ETV6: variants seen among roughly 807,000 people sequenced by gnomAD.
ETV6 encodes the protein ETS variant transcription factor 6, also known as transcription factor ETV6.
A neutral mutation model predicts 51.1 loss-of-function variants in ETV6; 16 were observed. The ratio of observed to expected loss-of-function variants is 0.31; its 90% CI spans 0.21 to 0.48. The LOEUF (loss-of-function observed/expected upper bound fraction) is 0.48, where lower values mean the gene tolerates loss of function less well. ETV6 is among the 20% of genes least tolerant of loss of function. The pLI is 0.99. For missense variants in ETV6, 458 were observed against 594.8 expected (o/e 0.77, Z 2.39); for synonymous variants, 240 against 224.1 (o/e 1.07, Z -0.64).
At chr12:11,800,569 T>A (rs1945732543) in intron 2 of ETV6, among the ~76,000 whole-genome samples, 1 of 152,130 alleles carries the variant, frequency 6.6e-6, no homozygotes, top group Non-Finnish European at 1.5e-5. Flanking sequence ...CCCGCATCCC[T>A]TCTTTTACTC....
At chr12:11,720,203 T>G (rs1865356723) in intron 1 of ETV6, among the ~76,000 whole-genome samples, 1 of 152,210 alleles carries the variant, frequency 6.6e-6, no homozygotes. Context: ...AGCATTAATC[T>G]TTAAGAGTCA....
intron 2 of ETV6, among the ~76,000 whole-genome samples, chr12:11,837,756 T>G (rs1472260152): frequency 6.6e-6 from 1 of 152,254 alleles, no homozygotes; most frequent in African/African-American, 2.4e-5. Context: ...TTTGAGCTAT[T>G]GATTCACACC....
At position 11,892,439 on chromosome 12, in the gene ETV6, G is replaced by A; in HGVS notation, c.*1393G>A. On this transcript the variant is annotated 3_prime_UTR_variant, in exon 8 of 8. Coordinates refer to ENST00000396373, the MANE Select transcript of ETV6 (RefSeq NM_001987.5). ...GTGGCTCTTTTTCACCTCAAAATAAGATCGATGGTATCTTGTAAAATGAGG... is the reference window on the plus strand; with the variant it reads ...GTGGCTCTTTTTCACCTCAAAATAAAATCGATGGTATCTTGTAAAATGAGG... The A allele has an allele frequency of 4.3e-6, 1 of 232,146 alleles. No homozygotes were observed. Among genetic ancestry groups the A allele is most frequent in the South Asian group, 1.8e-4 (1 of 5,494 alleles). 14.4% of individuals were successfully genotyped at this position (232,146 alleles called of 1,614,324 possible).
intron 1 of ETV6, among the ~76,000 whole-genome samples, chr12:11,723,792 ACC>A (rs1865438197): frequency 6.6e-6 from 1 of 152,132 alleles, no homozygotes; most frequent in South Asian, 2.1e-4. Context: ...AGGTGGCATC[ACC>A]AACCATTGAG....
At chr12:11,862,489 G>A (rs1181035895) in intron 4 of ETV6, among the ~76,000 whole-genome samples, 3 of 152,180 alleles carry the variant, frequency 2.0e-5, no homozygotes, top group South Asian at 2.1e-4. Flanking sequence ...CAAGGTCAAC[G>A]TGTGCCAGAG....
At chr12:11,852,500 G>C (rs17818264) in intron 3 of ETV6, among the ~76,000 whole-genome samples, 2,539 of 152,254 alleles carry the variant, frequency 0.017, 27 homozygotes, top group East Asian at 0.064. Flanking sequence ...ATTGAGATTG[G>C]TTAAAAAGGC....
chr12:11,839,225 C>T lies in ETV6; in HGVS notation c.249C>T (p.Asp83=). ...AENEFSLRPI[D]SNTFEMNGKA... ...ATGAGTTTTCTTTAAGGCCAATTGA[C>T]AGCAACACGTTTGAAATGAATGGCA... Residue 83 remains aspartate (D), a synonymous_variant, in exon 3 of 8, where the codon GAC becomes GAT. Transcript: ENST00000396373. 6.2e-7 allele frequency: 1 copy of T among 1,614,216 alleles called. No homozygotes were observed. The highest frequency in any genetic ancestry group is 8.5e-7 in the Non-Finnish European group (1 of 1,180,026).
At chr12:11,842,363 T>G (rs1276762025) in intron 3 of ETV6, among the ~76,000 whole-genome samples, 49 of 151,888 alleles carry the variant, frequency 3.2e-4, no homozygotes, top group Non-Finnish European at 1.0e-4. Context: ...GTTTCTCCTT[T>G]ATCTTAGAGC....
chr12:11,877,637 A>G (rs1438573886), intron 5 of ETV6, among the ~76,000 whole-genome samples: 1 of 152,138 alleles, frequency 6.6e-6, no homozygotes, highest in Non-Finnish European at 1.5e-5. Context: ...TCTGTAGCCC[A>G]GTACCCTCAA....
intron 2 of ETV6, among the ~76,000 whole-genome samples, chr12:11,807,270 A>G (rs890694964): frequency 6.6e-6 from 1 of 152,250 alleles, no homozygotes; most frequent in African/African-American, 2.4e-5. Context: ...AAGAATTTCA[A>G]AGAGAATAAA....
chr12:11,738,680 C>A (rs1463518564), intron 1 of ETV6, among the ~76,000 whole-genome samples: 4 of 152,130 alleles, frequency 2.6e-5, no homozygotes, highest in Non-Finnish European at 4.4e-5. Flanking sequence ...ACCCCAGGCA[C>A]AGACATGCTC....
At chr12:11,858,702 CT>C (rs1165690595) in intron 4 of ETV6, among the ~76,000 whole-genome samples, 7 of 152,194 alleles carry the variant, frequency 4.6e-5, no homozygotes, top group African/African-American at 1.4e-4. Flanking sequence ...TTCTTAATCA[CT>C]TTAATTTGCA....
At chr12:11,691,012 C>T (rs1864750264) in intron 1 of ETV6, among the ~76,000 whole-genome samples, 1 of 152,148 alleles carries the variant, frequency 6.6e-6, no homozygotes, top group South Asian at 2.1e-4. Context: ...GAATTTGATT[C>T]TTTCCGTCTG....
chr12:11,704,795 G>A (rs921567555), intron 1 of ETV6, among the ~76,000 whole-genome samples: 3 of 152,112 alleles, frequency 2.0e-5, no homozygotes, highest in Admixed American at 2.0e-4. Flanking sequence ...GTGTGTGTGT[G>A]TGGGACAAGA....
At chr12:11,791,358 G>C (rs184323437) in intron 2 of ETV6, among the ~76,000 whole-genome samples, 1 of 152,198 alleles carries the variant, frequency 6.6e-6, no homozygotes, top group Non-Finnish European at 1.5e-5. Context: ...TCTGATGAAT[G>C]TTGACAGTCT....
intron 2 of ETV6, among the ~76,000 whole-genome samples, chr12:11,771,984 A>G (rs1053502566): frequency 2.0e-5 from 3 of 152,230 alleles, no homozygotes; most frequent in African/African-American, 4.8e-5. Context: ...CTGATGGTCA[A>G]TCATCCAATT....
chr12:11,851,380 G>A (rs1173464968), intron 3 of ETV6, among the ~76,000 whole-genome samples: 3 of 152,080 alleles, frequency 2.0e-5, no homozygotes, highest in Non-Finnish European at 4.4e-5. Context: ...GTCATTACAC[G>A]AAACCAAAAG....
In ETV6 at chr12:11,863,095, G is replaced by A. The variant is rs764194125; in HGVS notation, c.464-6329G>A. The stretch of plus-strand genomic sequence containing the variant: ...GCACGGTGGTGGAAATGTGATCCTG[G>A]TGTGTGAGATGCAAACTTGATCTTA... On this transcript the variant is annotated intron_variant, in intron 4 of 7. Coordinates refer to ENST00000396373, the MANE Select transcript of ETV6 (RefSeq NM_001987.5). Among the ~76,000 whole-genome samples, 55 of 152,276 alleles carry A rather than the reference G, an allele frequency of 3.6e-4. 1 individual carries two copies. The highest frequency in any genetic ancestry group is 2.1e-3 in the South Asian group (10 of 4,816).
At chr12:11,818,980 C>G (rs1421444647) in intron 2 of ETV6, among the ~76,000 whole-genome samples, 1 of 152,174 alleles carries the variant, frequency 6.6e-6, no homozygotes, top group Admixed American at 6.5e-5. Context: ...ACAGAGGTCC[C>G]TTCCCCTGAG....
Sources: allele counts gnomAD v4.1 joint callset (sites outside exome capture counted in the v4.1 genomes callset), GRCh38; gene constraint gnomAD v4.1.1; transcripts MANE v1.5; gene names NCBI Gene and HGNC (gene_info 2026-07-23, HGNC 2026-07-21).